CHL1: variants seen among roughly 807,000 people sequenced by gnomAD.
CHL1 encodes neural cell adhesion molecule L1-like protein.
CHL1 carries 96 observed loss-of-function variants against 141.9 expected under a neutral mutation model. The observed-to-expected ratio is 0.68, with a 90% CI of 0.57 to 0.80. The LOEUF is 0.80. Among genes scored for constraint, CHL1 ranks in the 30% least tolerant of loss-of-function variants. The pLI is 0.00. For missense variants in CHL1, 1,820 were observed against 1,457.2 expected, an observed-to-expected ratio of 1.25 and a Z score of -4.05; for synonymous variants, 613 against 502.2, an observed-to-expected ratio of 1.22 and a Z score of -2.95.
At chr3:198,900 T>C (rs1171985951) in intron 1 of CHL1, among the ~76,000 whole-genome samples, 4 of 152,266 alleles carry the variant, frequency 2.6e-5, no homozygotes, top group African/African-American at 7.2e-5. Context: ...CAACTGCCGA[T>C]GAAGTTGGCT....
intron 2 of CHL1, among the ~76,000 whole-genome samples, chr3:297,216 A>T (rs1698270849): frequency 1.3e-5 from 2 of 152,072 alleles, no homozygotes; most frequent in Admixed American, 6.6e-5. Flanking sequence ...ACAAAGTGAG[A>T]CCTCGTCTTA....
chr3:400,439 A>T (rs1478381952), intron 26 of CHL1, among the ~76,000 whole-genome samples: 2 of 151,064 alleles, frequency 1.3e-5, no homozygotes, highest in Non-Finnish European at 2.9e-5. Context: ...TTGTGGTGCT[A>T]TCCAGATTCC....
intron 9 of CHL1, among the ~76,000 whole-genome samples, chr3:348,840 C>T (rs1702988511): frequency 6.6e-6 from 1 of 152,190 alleles, no homozygotes; most frequent in East Asian, 1.9e-4. Context: ...GTCTAATCGA[C>T]ATGTCCAGCT....
chr3:241,835 C>G (rs965368869), intron 1 of CHL1, among the ~76,000 whole-genome samples: 7 of 150,318 alleles, frequency 4.7e-5, no homozygotes, highest in African/African-American at 1.5e-4. Context: ...AACTAAGGGA[C>G]TTTGAAAAAA....
intron 2 of CHL1, among the ~76,000 whole-genome samples, chr3:290,343 AT>A (rs1697572633): frequency 6.6e-6 from 1 of 152,164 alleles, no homozygotes. Context: ...GATCACACAA[AT>A]ATTGTGAGTA....
At chr3:285,021 C>A (rs1045179168) in intron 2 of CHL1, among the ~76,000 whole-genome samples, 1 of 152,158 alleles carries the variant, frequency 6.6e-6, no homozygotes, top group Non-Finnish European at 1.5e-5. Context: ...TTTGCATATG[C>A]TTGCCTTATG....
At chr3:388,809 G>A (rs1707985487) in intron 19 of CHL1, among the ~76,000 whole-genome samples, 1 of 152,172 alleles carries the variant, frequency 6.6e-6, no homozygotes, top group Non-Finnish European at 1.5e-5. Flanking sequence ...GCAAGAAAGA[G>A]TTCTCTTCAA....
At chr3:260,063 A>C (rs1574889034) in intron 2 of CHL1, among the ~76,000 whole-genome samples, 1 of 152,130 alleles carries the variant, frequency 6.6e-6, no homozygotes, top group Admixed American at 6.5e-5. Context: ...TCAGGAGTTC[A>C]AGACCAGCCT....
intron 2 of CHL1, among the ~76,000 whole-genome samples, chr3:305,574 G>A (rs1466124113): frequency 6.6e-6 from 1 of 151,630 alleles, no homozygotes; most frequent in Non-Finnish European, 1.5e-5. Context: ...AAAAACCCAT[G>A]GTCTTTACCT....
At chr3:389,503 A>G in intron 20 of CHL1, 29 bp downstream of exon 20, 1 of 1,518,274 alleles carries the variant, frequency 6.6e-7, no homozygotes, top group South Asian at 1.1e-5. Flanking sequence ...ACTGCTAAGC[A>G]CGTCAGTAAC....
intron 14 of CHL1, among the ~76,000 whole-genome samples, chr3:364,281 C>T (rs1300594660): frequency 1.3e-5 from 2 of 152,176 alleles, no homozygotes; most frequent in Non-Finnish European, 2.9e-5. Context: ...TTAAAGCACT[C>T]AAATACTCTC....
intron 10 of CHL1, among the ~76,000 whole-genome samples, chr3:352,999 C>A (rs1249395639): frequency 6.6e-6 from 1 of 152,184 alleles, no homozygotes; most frequent in Non-Finnish European, 1.5e-5. Flanking sequence ...ATGGCGAGAA[C>A]AGGAACTGGA....
In CHL1 at chr3:407,631, T is replaced by G. The variant is rs1709612038; in HGVS notation, c.*1920T>G. 6.6e-6 allele frequency: 1 copy of G among 152,124 alleles called. No homozygotes were observed. Among genetic ancestry groups the G allele is most frequent in the African/African-American group, 2.4e-5 (1 of 41,440 alleles). The allele number at this position is 152,124 out of a possible 1,614,324, so 9.4% of individuals were successfully genotyped here. ...TGTTTTGATTTATCTGGGAGAAAACTGTGGTGCACAGCTTGTGAGGAGGGC... is the reference window on the plus strand; with the variant it reads ...TGTTTTGATTTATCTGGGAGAAAACGGTGGTGCACAGCTTGTGAGGAGGGC... On this transcript the variant is annotated 3_prime_UTR_variant, in exon 28 of 28. Transcript: ENST00000256509.
intron 5 of CHL1, among the ~76,000 whole-genome samples, chr3:332,361 T>TA (rs1365468488): frequency 6.6e-6 from 1 of 152,094 alleles, no homozygotes; most frequent in Non-Finnish European, 1.5e-5. Context: ...AAGAGAATGA[T>TA]AAAAACAATA....
intron 19 of CHL1, among the ~76,000 whole-genome samples, chr3:387,632 C>T (rs1707862863): frequency 6.6e-6 from 1 of 152,180 alleles, no homozygotes; most frequent in South Asian, 2.1e-4. Flanking sequence ...TTTGCACACA[C>T]TTATTGTCAG....
intron 24 of CHL1, among the ~76,000 whole-genome samples, chr3:395,857 G>A (rs952526769): frequency 2.6e-5 from 4 of 152,124 alleles, no homozygotes; most frequent in African/African-American, 9.7e-5. Flanking sequence ...AAACATCACA[G>A]AGGGGAAAAA....
At chr3:271,656 C>T (rs749909264) in intron 2 of CHL1, among the ~76,000 whole-genome samples, 7 of 152,026 alleles carry the variant, frequency 4.6e-5, no homozygotes, top group Non-Finnish European at 7.4e-5. Context: ...AGAAAGCCAG[C>T]GCGCAGAGCA....
At chr3:360,176 C>T (rs1704098295) in intron 11 of CHL1, 108 bp from the exon 12 acceptor site, 3 of 1,282,328 alleles carry the variant, frequency 2.3e-6, no homozygotes, top group Non-Finnish European at 3.2e-6. Flanking sequence ...TATTAGTCAC[C>T]CTAAACTGGT....
Position 241,547 on chromosome 3 carries a change from G to C in CHL1, c.-174-3066G>C, listed in dbSNP as rs1692560697. On this transcript the variant is annotated intron_variant, in intron 1 of 27. Transcript: ENST00000256509. Reference sequence around the variant, plus strand: ...AGTTTTTACTGTATCTTGCTCTTCAGCAAGTGCTGTTTCTCCTTCCAGTAT... The same window carrying C: ...AGTTTTTACTGTATCTTGCTCTTCACCAAGTGCTGTTTCTCCTTCCAGTAT... Among the ~76,000 whole-genome samples, 4 of 151,290 alleles carry C rather than the reference G, an allele frequency of 2.6e-5. 1 individual carries two copies. In the South Asian group the frequency reaches 8.3e-4, roughly 32 times the overall value.
Sources: gnomAD v4.1 joint callset for allele counts (sites outside exome capture counted in the v4.1 genomes callset) on GRCh38, gnomAD v4.1.1 for gene constraint, MANE v1.5 for transcripts, NCBI Gene and HGNC (gene_info 2026-07-23, HGNC 2026-07-21) for gene names.